The following CREB5 variants were observed in gnomAD, a reference collection of about 807,000 sequenced individuals.
CREB5 encodes the protein cyclic AMP-responsive element-binding protein 5.
In CREB5, 19 loss-of-function variants were observed where a neutral mutation model predicts 57.1. The observed-to-expected ratio is 0.33, with a 90% CI of 0.23 to 0.49. The LOEUF (loss-of-function observed/expected upper bound fraction) is 0.49, where lower values mean the gene tolerates loss of function less well. Ranked by LOEUF, CREB5 falls within the 20% of genes least tolerant of loss-of-function variation. CREB5 has a pLI of 0.99. For missense variants in CREB5, 579 were observed against 671.6 expected, an observed-to-expected ratio of 0.86 and a Z score of 1.52; for synonymous variants, 238 against 238.3, an observed-to-expected ratio of 1.00 and a Z score of 0.01.
intron 1 of CREB5, among the ~76,000 whole-genome samples, chr7:28,349,760 T>C (rs1786151852): frequency 6.6e-6 from 1 of 152,188 alleles, no homozygotes; most frequent in Non-Finnish European, 1.5e-5. Flanking sequence ...TGATTGCTCC[T>C]TTTTACTTTG....
At position 28,306,541 on chromosome 7, in the gene CREB5, G is replaced by GTTTTTTTTTTTTTT. The variant is rs199561235; in HGVS notation, c.-25+7104_-25+7105insTTTTTTTTTTTTTT. On this transcript the variant is annotated intron_variant, in intron 1 of 9. Coordinates refer to the CREB5 transcript ENST00000396299. ...ACTGGTGCCAGTACATACAGATACA[G>GTTTTTTTTTTTTTT]TTTTGTTTTTTTTGTTTTTTTTTTT... Among the ~76,000 whole-genome samples the GTTTTTTTTTTTTTT allele has an allele frequency of 3.4e-4, 15 of 44,446 alleles. 2 individuals are homozygous for GTTTTTTTTTTTTTT. The highest frequency in any genetic ancestry group is 7.7e-4 in the African/African-American group (10 of 12,942). 29.2% of individuals were successfully genotyped at this position (44,446 alleles called of 152,430 possible). A position where few individuals can be genotyped will look rare whatever the true frequency, so the allele number is the denominator to read the frequency against.
chr7:28,755,206 T>C (rs1805229046), intron 7 of CREB5, among the ~76,000 whole-genome samples: 1 of 152,120 alleles, frequency 6.6e-6, no homozygotes, highest in African/African-American at 2.4e-5. Context: ...TCTGGAAGAC[T>C]TGGAGAAAAT....
In CREB5 at chr7:28,822,604, G is replaced by C. The variant is rs139211911; in HGVS notation, c.*3325G>C. 8.1e-3 allele frequency: 1,234 copies of C among 152,790 alleles called. 7 individuals carry two copies. The highest frequency in any genetic ancestry group is 0.014 in the Non-Finnish European group (966 of 68,074). The allele number at this position is 152,790 out of a possible 1,614,324, so 9.5% of individuals were successfully genotyped here. On this transcript the variant is annotated 3_prime_UTR_variant, in exon 11 of 11. Transcript: ENST00000357727. ...AGATCTGTCTCTGAAGTCACTGCCA[G>C]CCTCCCTGGGAACGTCTATAGTGCC...
At chr7:28,592,689 C>A (rs1400654518) in intron 5 of CREB5, among the ~76,000 whole-genome samples, 2 of 152,110 alleles carry the variant, frequency 1.3e-5, no homozygotes, top group South Asian at 4.1e-4. Context: ...AAAACCTGTT[C>A]AAGTGCCGTG....
In CREB5 at chr7:28,560,901, CGCGCGTGCGT is replaced by C. The variant is rs1318665693; in HGVS notation, c.292-9462_292-9453del. On this transcript the variant is annotated intron_variant, in intron 4 of 10. Coordinates refer to ENST00000357727, the MANE Select transcript of CREB5 (RefSeq NM_182898.4). ...GTGCGTGCGTGCGTGTGTGTGCGTG[CGCGCGTGCGT>C]GTGCGTGTGTGCGCGTGCGTGTGTG... Among the ~76,000 whole-genome samples the C allele has an allele frequency of 4.1e-3, 88 of 21,642 alleles. 8 individuals are homozygous for C. The East Asian group carries it at 0.055, about 13-fold the overall frequency. The allele number at this position is 21,642 out of a possible 152,430, so 14.2% of individuals were successfully genotyped here.
intron 1 of CREB5, among the ~76,000 whole-genome samples, chr7:28,395,074 G>A (rs1018958477): frequency 2.0e-5 from 3 of 152,066 alleles, no homozygotes; most frequent in Non-Finnish European, 4.4e-5. Context: ...AAAAAATTTA[G>A]GGTTTTAAAA....
At chr7:28,546,528 C>T (rs1427193726) in intron 4 of CREB5, among the ~76,000 whole-genome samples, 3 of 152,082 alleles carry the variant, frequency 2.0e-5, no homozygotes, top group Non-Finnish European at 2.9e-5. Context: ...TGAGGGTTCC[C>T]GTTGGGATCC....
At chr7:28,613,380 C>A (rs1279160498) in intron 5 of CREB5, among the ~76,000 whole-genome samples, 1 of 152,216 alleles carries the variant, frequency 6.6e-6, no homozygotes, top group African/African-American at 2.4e-5. Context: ...TGGGAACAGA[C>A]TGTGAAACAA....
At chr7:28,674,793 C>T (rs1320226130) in intron 5 of CREB5, among the ~76,000 whole-genome samples, 3 of 152,246 alleles carry the variant, frequency 2.0e-5, no homozygotes, top group Non-Finnish European at 4.4e-5. Context: ...GTTCTCCACA[C>T]AGCAATTAAT....
At chr7:28,524,710 G>T (rs1316902365) in intron 4 of CREB5, among the ~76,000 whole-genome samples, 2 of 152,168 alleles carry the variant, frequency 1.3e-5, no homozygotes, top group African/African-American at 4.8e-5. Flanking sequence ...TTTTCTAATT[G>T]ATACATCATA....
At chr7:28,416,680 C>G (rs1202507885) in intron 1 of CREB5, among the ~76,000 whole-genome samples, 1 of 152,216 alleles carries the variant, frequency 6.6e-6, no homozygotes, top group African/African-American at 2.4e-5. Flanking sequence ...AAAATCATAT[C>G]AGGGAATGAT....
chr7:28,448,727 A>G (rs1405060786), intron 1 of CREB5, among the ~76,000 whole-genome samples: 1 of 152,230 alleles, frequency 6.6e-6, no homozygotes, highest in Non-Finnish European at 1.5e-5. Flanking sequence ...AGGAGGAGGA[A>G]TTGACGAGCT....
At chr7:28,642,621 C>T (rs1046536763) in intron 5 of CREB5, among the ~76,000 whole-genome samples, 7 of 152,130 alleles carry the variant, frequency 4.6e-5, no homozygotes, top group South Asian at 2.1e-4. Flanking sequence ...ACATGCTGCT[C>T]GGCAATGGGG....
At chr7:28,561,766 T>C (rs112767936) in intron 4 of CREB5, among the ~76,000 whole-genome samples, 26 of 152,342 alleles carry the variant, frequency 1.7e-4, no homozygotes, top group African/African-American at 6.3e-4. Context: ...TTTTTCGAGA[T>C]GGAGTCTCAC....
chr7:28,572,895 G>T (rs981002718), intron 5 of CREB5, among the ~76,000 whole-genome samples: 1 of 152,112 alleles, frequency 6.6e-6, no homozygotes, highest in African/African-American at 2.4e-5. Context: ...GTTGTGTGTC[G>T]CTCCTGGTGT....
chr7:28,803,496 C>A (rs777242673), intron 7 of CREB5, among the ~76,000 whole-genome samples: 4 of 152,170 alleles, frequency 2.6e-5, no homozygotes, highest in African/African-American at 7.2e-5. Flanking sequence ...CGGTGGCTCA[C>A]GCCTGTAATC....
intron 7 of CREB5, among the ~76,000 whole-genome samples, chr7:28,742,803 A>G (rs1262802885): frequency 1.3e-5 from 2 of 151,870 alleles, no homozygotes; most frequent in Admixed American, 1.3e-4. Flanking sequence ...TTCTTTTGAG[A>G]TGGAGTTTCA....
chr7:28,501,548 A>C (rs1418558105), intron 3 of CREB5, among the ~76,000 whole-genome samples: 1 of 152,174 alleles, frequency 6.6e-6, no homozygotes, highest in Admixed American at 6.5e-5. Flanking sequence ...CTGTCTGGAA[A>C]CCAGTCCCCT....
chr7:28,667,163 C>T (rs1799858724), intron 5 of CREB5, among the ~76,000 whole-genome samples: 1 of 151,814 alleles, frequency 6.6e-6, no homozygotes, highest in Non-Finnish European at 1.5e-5. Context: ...CACCTTCAAA[C>T]AGTTCTCAGA....
Sources: allele counts gnomAD v4.1 joint callset (sites outside exome capture counted in the v4.1 genomes callset), GRCh38; gene constraint gnomAD v4.1.1; transcripts MANE v1.5; gene names NCBI Gene and HGNC (gene_info 2026-07-23, HGNC 2026-07-21).